Variants in LBP observed in about 807,000 individuals in gnomAD.
LBP encodes lipopolysaccharide-binding protein.
In LBP, 53 loss-of-function variants were observed where a neutral mutation model predicts 56.6. That is an observed-to-expected ratio of 0.94 (90% CI 0.75 to 1.18). The LOEUF is 1.18. LBP is among the 50% of genes most tolerant of loss of function. The pLI is 0.00. For missense variants in LBP, 601 were observed against 598.3 expected, an observed-to-expected ratio of 1.00 and a Z score of -0.05; for synonymous variants, 227 against 247.5, an observed-to-expected ratio of 0.92 and a Z score of 0.78.
intron 6 of LBP, among the ~76,000 whole-genome samples, chr20:38,361,094 G>A (rs1325934197): frequency 6.6e-6 from 1 of 151,646 alleles, no homozygotes; most frequent in African/African-American, 2.4e-5. Flanking sequence ...CCCAGAAGGT[G>A]GAGGTTGCAG....
At chr20:38,358,342 G>T (rs1051387322) in intron 5 of LBP, among the ~76,000 whole-genome samples, 2 of 152,108 alleles carry the variant, frequency 1.3e-5, no homozygotes, top group African/African-American at 4.8e-5. Flanking sequence ...CACTACCCCA[G>T]TCGCATCCTC....
At chr20:38,359,305 G>A (rs1319354324) in intron 5 of LBP, among the ~76,000 whole-genome samples, 1 of 152,174 alleles carries the variant, frequency 6.6e-6, no homozygotes, top group Admixed American at 6.5e-5. Flanking sequence ...CTGGGGCCGG[G>A]CATGGTGGCT....
At chr20:38,361,381 A>T (rs1288121183) in intron 6 of LBP, among the ~76,000 whole-genome samples, 1 of 152,118 alleles carries the variant, frequency 6.6e-6, no homozygotes, top group Non-Finnish European at 1.5e-5. Flanking sequence ...ATATATGTTC[A>T]TATACATATA....
chr20:38,371,778 G>T (rs140332905), intron 12 of LBP, among the ~76,000 whole-genome samples: 55 of 151,644 alleles, frequency 3.6e-4, no homozygotes, highest in South Asian at 2.1e-3. Flanking sequence ...TTGGTAGCAA[G>T]CCCCAGAGTT....
chr20:38,362,215 C>G (rs146541773), intron 6 of LBP, among the ~76,000 whole-genome samples: 7 of 150,684 alleles, frequency 4.6e-5, no homozygotes, highest in Non-Finnish European at 1.0e-4. Flanking sequence ...CCCGCCACCA[C>G]GTCTGGCTAA....
At chr20:38,353,447 C>T (rs551918461) in intron 3 of LBP, among the ~76,000 whole-genome samples, 2 of 147,602 alleles carry the variant, frequency 1.4e-5, no homozygotes, top group African/African-American at 5.0e-5. Flanking sequence ...CTTATTCAAC[C>T]TGTCGCTGCT....
intron 1 of LBP, among the ~76,000 whole-genome samples, chr20:38,347,734 G>T (rs1246667992): frequency 6.6e-6 from 1 of 152,106 alleles, no homozygotes; most frequent in Non-Finnish European, 1.5e-5. Context: ...GCATGTACCT[G>T]CTTTCTGCAG....
chr20:38,350,852 G>A lies in LBP; in HGVS notation c.281G>A (p.Arg94Lys). ...TGTGAGCTGCTTCACTCTGCGCTGA[G>A]GCCTGTCCCTGGCCAGGGCCTGAGT... The part of the protein sequence containing the change: ...HSCELLHSAL[R>K]PVPGQGLSLS... Residue 94 changes from arginine to lysine, a missense_variant, in exon 3 of 15, where the codon AGG becomes AAG. By Grantham distance (26) the Arg-to-Lys change is conservative (BLOSUM62 2). Coordinates refer to ENST00000217407, the MANE Select transcript of LBP (RefSeq NM_004139.5). 6.2e-7 allele frequency: 1 copy of A among 1,613,884 alleles called. No individual in the cohort carries two copies. Among genetic ancestry groups the A allele is most frequent in the Non-Finnish European group, 8.5e-7 (1 of 1,179,832 alleles).
chr20:38,365,234 C>CAAAAAAAAA (rs10627735), intron 8 of LBP, among the ~76,000 whole-genome samples: 1 of 96,678 alleles, frequency 1.0e-5, no homozygotes, highest in African/African-American at 4.1e-5. Flanking sequence ...GACCCTGTCT[C>CAAAAAAAAA]AAAAAAAAAA....
At chr20:38,369,918 G>T (rs970109015) in intron 10 of LBP, among the ~76,000 whole-genome samples, 3 of 152,070 alleles carry the variant, frequency 2.0e-5, no homozygotes. Flanking sequence ...TCCTTTGGGG[G>T]CCTTGCTCCC....
Position 38,360,709 on chromosome 20 carries a change from C to G in LBP, c.594C>G (p.Cys198Trp). The G allele has an allele frequency of 6.2e-7, 1 of 1,611,876 alleles. No individual in the cohort carries two copies. The change falls in exon 6 of 15, where the codon TGC (cysteine) becomes TGG (tryptophan). Residue 198 changes from cysteine (C) to tryptophan (W), a missense_variant. Transcript: ENST00000217407. ...KFQKVLESRI[C>W]EMIQKSVSSD... The stretch of plus-strand genomic sequence containing the variant: ...TCTCTTCCCATGTTTTTCAGATTTG[C>G]GAAATGATCCAGAAATCAGTGTCCT...
At chr20:38,358,985 T>C (rs1197007844) in intron 5 of LBP, among the ~76,000 whole-genome samples, 2 of 152,232 alleles carry the variant, frequency 1.3e-5, no homozygotes, top group Non-Finnish European at 2.9e-5. Context: ...AGCTATTCTT[T>C]GAAAATGGTC....
intron 9 of LBP, 89 bp downstream of exon 9, chr20:38,366,917 G>C: frequency 8.2e-7 from 1 of 1,220,930 alleles, no homozygotes; most frequent in Non-Finnish European, 1.2e-6. Flanking sequence ...CTCTCAGCTT[G>C]ACCAAGAGTG....
rs139872326 is a variant in LBP, at chr20:38,375,982, A to G, written c.1402-643A>G. Among the ~76,000 whole-genome samples the G allele has an allele frequency of 5.6e-3, 846 of 152,332 alleles. 5 individuals carry two copies. The highest frequency in any genetic ancestry group is 0.019 in the African/African-American group (808 of 41,572). ...TGAGCATTTATAAGTAGTCAGACAG[A>G]TCGTTGTTCAAAGCAAAGATTGAGT... On this transcript the variant is annotated intron_variant, in intron 14 of 14. Coordinates refer to ENST00000217407, the MANE Select transcript of LBP (RefSeq NM_004139.5).
At chr20:38,373,389 GGACAC>G (rs2076907500) in intron 13 of LBP, among the ~76,000 whole-genome samples, 1 of 152,098 alleles carries the variant, frequency 6.6e-6, no homozygotes, top group Admixed American at 6.6e-5. Context: ...CGGGACAGAG[GGACAC>G]ATGGAAGTGC....
At chr20:38,360,270 A>C (rs1401706984) in intron 5 of LBP, among the ~76,000 whole-genome samples, 3 of 152,122 alleles carry the variant, frequency 2.0e-5, no homozygotes, top group Non-Finnish European at 4.4e-5. Context: ...AAAAAAAAAA[A>C]AAAACAAAAA....
At position 38,376,859 on chromosome 20, in the gene LBP, G is replaced by A. The variant is rs61269129; in HGVS notation, c.*190G>A. 1.9e-3 allele frequency: 1,362 copies of A among 709,228 alleles called. 17 individuals are homozygous for A. The African/African-American group carries it at 0.021, about 11-fold the overall frequency. The allele number at this position is 709,228 out of a possible 1,614,324, so 43.9% of individuals were successfully genotyped here. A position where few individuals can be genotyped will look rare whatever the true frequency, so the allele number is the denominator to read the frequency against. ...TGCATGCATGCCCTCTCTGAGTCTG[G>A]ACTTTGCTTCCCCTCCAGGAGGGAC... On this transcript the variant is annotated 3_prime_UTR_variant, in exon 15 of 15. Transcript: ENST00000217407.
intron 3 of LBP, among the ~76,000 whole-genome samples, chr20:38,352,124 C>T (rs1029924938): frequency 6.6e-6 from 1 of 152,026 alleles, no homozygotes; most frequent in East Asian, 1.9e-4. Flanking sequence ...ACACTAGTCA[C>T]ATTGGATTAG....
At chr20:38,374,950 A>ATTTTTTTTTTTT (rs370110558) in intron 14 of LBP, among the ~76,000 whole-genome samples, 10 of 127,142 alleles carry the variant, frequency 7.9e-5, no homozygotes, top group South Asian at 2.6e-4. Flanking sequence ...CTCCCAGCTA[A>ATTTTTTTTTTTT]TTTTTTTTTT....
Sources: allele counts gnomAD v4.1 joint callset (sites outside exome capture counted in the v4.1 genomes callset), GRCh38; gene constraint gnomAD v4.1.1; transcripts MANE v1.5; gene names NCBI Gene and HGNC (gene_info 2026-07-23, HGNC 2026-07-21).